P2RX7: variants seen among roughly 807,000 people sequenced by gnomAD.
P2RX7 encodes the protein P2X purinoceptor 7.
A neutral mutation model predicts 71.6 loss-of-function variants in P2RX7; 62 were observed. The observed-to-expected ratio is 0.87, with a 90% confidence interval of 0.71 to 1.07. The LOEUF (loss-of-function observed/expected upper bound fraction) is 1.07, where lower values mean the gene tolerates loss of function less well. P2RX7 is among the 50% of genes least tolerant of loss of function. The probability of loss-of-function intolerance (pLI) is 0.00; values close to 1 mark genes in which losing one functional copy is unlikely to be tolerated. For missense variants in P2RX7, 686 were observed against 748.5 expected, an observed-to-expected ratio of 0.92 and a Z score of 0.97; for synonymous variants, 299 against 283.3, an observed-to-expected ratio of 1.06 and a Z score of -0.56.
At chr12:121,184,043 C>T (rs1201493404) in intron 12 of P2RX7, among the ~76,000 whole-genome samples, 4 of 147,778 alleles carry the variant, frequency 2.7e-5, no homozygotes, top group East Asian at 2.0e-4. Flanking sequence ...CCAGCCTGTG[C>T]GACAGAGTGA....
At chr12:121,145,335 G>A (rs543964867) in intron 1 of P2RX7, among the ~76,000 whole-genome samples, 7 of 152,150 alleles carry the variant, frequency 4.6e-5, no homozygotes, top group Non-Finnish European at 8.8e-5. Flanking sequence ...GTTCCAGGAA[G>A]GTCAGGTCCA....
intron 3 of P2RX7, among the ~76,000 whole-genome samples, chr12:121,158,279 G>T (rs978973050): frequency 2.0e-5 from 3 of 152,182 alleles, no homozygotes; most frequent in Non-Finnish European, 4.4e-5. Context: ...AGTTCAGCTG[G>T]TTGGTTCTTC....
Position 121,161,789 on chromosome 12 carries a change from TAAA to T in P2RX7, c.437-622_437-620del, listed in dbSNP as rs11443206. Among the ~76,000 whole-genome samples, 326 of 119,540 alleles carry T rather than the reference TAAA, an allele frequency of 2.7e-3. 1 individual carries two copies. Among genetic ancestry groups the T allele is most frequent in the African/African-American group, 9.1e-3 (303 of 33,370 alleles). The allele number at this position is 119,540 out of a possible 152,430, so 78.4% of individuals were successfully genotyped here. ...CATGGGTGACAGAGCGAGACCCCTT[TAAA>T]AAAAAAAAAAAAGGCACAGGGCAAT... On this transcript the variant is annotated intron_variant, in intron 4 of 12. Transcript: ENST00000328963.
intron 1 of P2RX7, among the ~76,000 whole-genome samples, chr12:121,135,440 A>G (rs904430392): frequency 2.6e-5 from 4 of 152,056 alleles, no homozygotes; most frequent in East Asian, 3.8e-4. Context: ...CTGACCCTCA[A>G]AGTAACCACG....
chr12:121,139,733 C>CTTTT (rs10696338), intron 1 of P2RX7, among the ~76,000 whole-genome samples: 1,696 of 126,668 alleles, frequency 0.013, 87 homozygotes, highest in African/African-American at 0.05. Context: ...CCCTGACCAT[C>CTTTT]TTTTTTTTTT....
intron 4 of P2RX7, chr12:121,162,204 T>G (rs1555226033): frequency 9.0e-6 from 12 of 1,330,058 alleles, no homozygotes; most frequent in Non-Finnish European, 1.2e-5. Flanking sequence ...TCCACAGTCT[T>G]TCTGTGTTCT....
chr12:121,168,284 T>TC (rs58659503), intron 8 of P2RX7, among the ~76,000 whole-genome samples: 1 of 147,164 alleles, frequency 6.8e-6, no homozygotes, highest in African/African-American at 2.5e-5. Context: ...TCTTTTCTTT[T>TC]TTTTTTTTAG....
chr12:121,157,581 G>T (rs535683805), intron 3 of P2RX7, among the ~76,000 whole-genome samples: 1 of 152,122 alleles, frequency 6.6e-6, no homozygotes, highest in Non-Finnish European at 1.5e-5. Context: ...TTTCCCTTTT[G>T]TCCCATCCTT....
intron 1 of P2RX7, among the ~76,000 whole-genome samples, chr12:121,143,154 C>T (rs1007550132): frequency 2.7e-5 from 4 of 149,038 alleles, no homozygotes; most frequent in African/African-American, 9.9e-5. Context: ...CCCAGGTGGG[C>T]AGATCACCTG....
chr12:121,143,477 C>G (rs1275742050), intron 1 of P2RX7, among the ~76,000 whole-genome samples: 1 of 151,700 alleles, frequency 6.6e-6, no homozygotes, highest in Non-Finnish European at 1.5e-5. Context: ...TTGCTTGATC[C>G]TGGGAGGTTG....
At chr12:121,179,630 C>A (rs1250528820) in intron 11 of P2RX7, among the ~76,000 whole-genome samples, 1 of 152,026 alleles carries the variant, frequency 6.6e-6, no homozygotes, top group Non-Finnish European at 1.5e-5. Context: ...AATAAAAGTT[C>A]ATCTTTGCAG....
chr12:121,142,932 T>C (rs1457297448), intron 1 of P2RX7, among the ~76,000 whole-genome samples: 1 of 144,848 alleles, frequency 6.9e-6, no homozygotes, highest in East Asian at 2.1e-4. Context: ...CTACTAAAAA[T>C]ACAAAAGTTA....
chr12:121,135,202 G>A (rs1222123632), intron 1 of P2RX7, among the ~76,000 whole-genome samples: 1 of 152,034 alleles, frequency 6.6e-6, no homozygotes, highest in African/African-American at 2.4e-5. Context: ...AGTGGGGAGT[G>A]GTGGTGCACA....
rs1555226351 is a variant in P2RX7 at position 121,163,346 on chromosome 12, A to ACACACACG, written c.533+833_533+834insGCACACAC. Among the ~76,000 whole-genome samples, 285 of 128,546 alleles carry ACACACACG rather than the reference A, an allele frequency of 2.2e-3. 2 individuals are homozygous for ACACACACG. Among genetic ancestry groups the ACACACACG allele is most frequent in the African/African-American group, 8.1e-3 (267 of 33,034 alleles). The allele number at this position is 128,546 out of a possible 152,430, so 84.3% of individuals were successfully genotyped here. ...CTGGCTTACACACACACACACACACACACACACACACGCACACACACACAC... is the reference window on the plus strand; with the variant it reads ...CTGGCTTACACACACACACACACACACACACACGCACACACACACGCACACACACACAC... On this transcript the variant is annotated intron_variant, in intron 5 of 12. Transcript: ENST00000328963.
At chr12:121,167,052 CAA>C (rs528766613) in intron 7 of P2RX7, among the ~76,000 whole-genome samples, 23,592 of 114,318 alleles carry the variant, frequency 0.21, 2,091 homozygotes, top group South Asian at 0.27. Flanking sequence ...AACTCCATCT[CAA>C]AAAAAAAAAA....
rs146942410 is a variant in P2RX7 at position 121,151,640 on chromosome 12, G to A, written c.126-3145G>A. 5.7e-3 allele frequency among the ~76,000 whole-genome samples: 862 copies of A among 152,142 alleles called. 9 individuals are homozygous for A. Among genetic ancestry groups the A allele is most frequent in the Admixed American group, 0.021 (319 of 15,278 alleles). On this transcript the variant is annotated intron_variant, in intron 1 of 12. Coordinates refer to ENST00000328963, the MANE Select transcript of P2RX7 (RefSeq NM_002562.6). ...TTTATTGGGGTGAAATTCACATAACGTAAAATTAACCACTGTAAACATGAA... is the reference window on the plus strand; with the variant it reads ...TTTATTGGGGTGAAATTCACATAACATAAAATTAACCACTGTAAACATGAA...
In P2RX7 at chr12:121,167,619, C is replaced by T; in HGVS notation, c.876C>T (p.Asn292=). The change falls in exon 8 of 13, where the codon AAC becomes AAT. Residue 292 remains asparagine, a synonymous_variant. Coordinates refer to ENST00000328963, the MANE Select transcript of P2RX7 (RefSeq NM_002562.6). ...TTNVSLYPGY[N]FRYAKYYKEN... ...ACGTGTCCTTGTACCCTGGCTACAACTTCAGGTAACTCCAAGGCCCAGGTC... is the reference window on the plus strand; with the variant it reads ...ACGTGTCCTTGTACCCTGGCTACAATTTCAGGTAACTCCAAGGCCCAGGTC... 3.2e-6 allele frequency: 5 copies of T among 1,576,788 alleles called. No individual in the cohort carries two copies. Among genetic ancestry groups the T allele is most frequent in the Non-Finnish European group, 2.6e-6 (3 of 1,159,852 alleles).
Position 121,139,798 on chromosome 12 carries a change from G to A in P2RX7, c.125+6703G>A, listed in dbSNP as rs535157491. Among the ~76,000 whole-genome samples, 17 of 143,488 alleles carry A rather than the reference G, an allele frequency of 1.2e-4. No homozygotes were observed. The East Asian group carries it at 1.8e-3, about 15-fold the overall frequency. The allele number at this position is 143,488 out of a possible 152,430, so 94.1% of individuals were successfully genotyped here. On this transcript the variant is annotated intron_variant, in intron 1 of 12. Coordinates refer to ENST00000328963, the MANE Select transcript of P2RX7 (RefSeq NM_002562.6). ...CACCCAGACTGGAGTGCAGTGGCACGATCTTGGCTCATTGCAACCCCCACC... is the reference window on the plus strand; with the variant it reads ...CACCCAGACTGGAGTGCAGTGGCACAATCTTGGCTCATTGCAACCCCCACC...
intron 8 of P2RX7, among the ~76,000 whole-genome samples, chr12:121,172,420 AG>A (rs1464656079): frequency 6.6e-6 from 1 of 152,230 alleles, no homozygotes; most frequent in Non-Finnish European, 1.5e-5. Context: ...ACTTGAGCTC[AG>A]GAGTTCAAGC....
Sources: gnomAD v4.1 joint callset for allele counts (sites outside exome capture counted in the v4.1 genomes callset) on GRCh38, gnomAD v4.1.1 for gene constraint, MANE v1.5 for transcripts, NCBI Gene and HGNC (gene_info 2026-07-23, HGNC 2026-07-21) for gene names.